Variants in WDR64 observed in about 807,000 individuals in gnomAD.
The protein encoded by WDR64 is WD repeat domain 64.
A neutral mutation model predicts 139.3 loss-of-function variants in WDR64; 112 were observed. The ratio of observed to expected loss-of-function variants is 0.80; its 90% CI spans 0.69 to 0.94. WDR64 has a LOEUF of 0.94. Among genes scored for constraint, WDR64 ranks in the 40% least tolerant of loss-of-function variants. The pLI is 0.00. For synonymous variants in WDR64, 444 were observed against 437.7 expected (o/e 1.01, Z -0.18); for missense variants, 1,206 against 1,293.1 (o/e 0.93, Z 1.03).
At chr1:241,692,103 A>G (rs1328707746) in intron 8 of WDR64, among the ~76,000 whole-genome samples, 1 of 152,204 alleles carries the variant, frequency 6.6e-6, no homozygotes, top group African/African-American at 2.4e-5. Context: ...AAGTCTAACA[A>G]AATATGCAAG....
chr1:241,662,629 G>C (rs1665872157), intron 2 of WDR64, among the ~76,000 whole-genome samples: 2 of 152,162 alleles, frequency 1.3e-5, no homozygotes, highest in Admixed American at 6.6e-5. Context: ...CTCTTAGTTA[G>C]AAGTAAGTCA....
chr1:241,672,383 C>T (rs192086363), intron 3 of WDR64, among the ~76,000 whole-genome samples: 32 of 152,206 alleles, frequency 2.1e-4, no homozygotes, highest in African/African-American at 7.5e-4. Flanking sequence ...AAGGAGGGGC[C>T]CCAGAGCAGG....
intron 5 of WDR64, among the ~76,000 whole-genome samples, chr1:241,678,862 A>G (rs1666664651): frequency 2.1e-5 from 1 of 46,744 alleles, no homozygotes; most frequent in African/African-American, 6.9e-5. Flanking sequence ...CTTAAACTGA[A>G]AAAAAAAAAA....
At chr1:241,684,137 T>C (rs1666921503) in intron 7 of WDR64, among the ~76,000 whole-genome samples, 1 of 152,210 alleles carries the variant, frequency 6.6e-6, no homozygotes, top group African/African-American at 2.4e-5. Flanking sequence ...GATTTGACTA[T>C]ATACAAAATA....
chr1:241,775,100 T>C lies in WDR64; in HGVS notation c.2431-5T>C, dbSNP rs1194977799. The C allele has an allele frequency of 1.3e-6, 2 of 1,548,736 alleles. No homozygotes were observed. The highest frequency in any genetic ancestry group is 1.7e-6 in the Non-Finnish European group (2 of 1,145,540). On this transcript the variant is annotated splice_polypyrimidine_tract_variant and splice_region_variant and intron_variant, in intron 20 of 27. Coordinates refer to ENST00000437684, the MANE Select transcript of WDR64 (RefSeq NM_001367482.1). ...AAAGTTTTATTTGCATTATACTTTATTTAGGGAAGACTACTGAAAGATATG... is the reference window on the plus strand; with the variant it reads ...AAAGTTTTATTTGCATTATACTTTACTTAGGGAAGACTACTGAAAGATATG...
intron 22 of WDR64, among the ~76,000 whole-genome samples, chr1:241,780,389 T>C (rs918919508): frequency 6.6e-6 from 1 of 152,250 alleles, no homozygotes; most frequent in Non-Finnish European, 1.5e-5. Flanking sequence ...AGTTTCTATA[T>C]CTTATCCTTT....
chr1:241,744,378 C>A lies in WDR64; in HGVS notation c.1471-15C>A. 6.2e-7 allele frequency: 1 copy of A among 1,612,588 alleles called. No individual in the cohort carries two copies. Among genetic ancestry groups the A allele is most frequent in the South Asian group, 1.1e-5 (1 of 90,714 alleles). On this transcript the variant is annotated splice_polypyrimidine_tract_variant and intron_variant, in intron 12 of 27. Transcript: ENST00000437684. ...CTTCAAACGGATTACTTGATATTTT[C>A]GTTCTTTCCCATAGGTATGGGAACT... is the stretch of plus-strand genomic sequence containing the variant.
chr1:241,787,496 C>T (rs534231923), intron 23 of WDR64, among the ~76,000 whole-genome samples: 1 of 151,836 alleles, frequency 6.6e-6, no homozygotes, highest in South Asian at 2.1e-4. Flanking sequence ...GAAACCCCGT[C>T]TCTACTAAAA....
rs781010948 is a variant in WDR64, at chr1:241,711,860, G to T, written c.1033G>T (p.Ala345Ser). Reference protein sequence around the residue: ...GANTFCYCVKANVIVTGGDDK... With the variant: ...GANTFCYCVKSNVIVTGGDDK... ...CAACACTTTTTGCTACTGTGTTAAG[G>T]CAAATGTGATTGTCACTGGAGGTGA... The change falls in exon 9 of 28, where the codon GCA becomes TCA. Residue 345 changes from alanine (A) to serine (S), a missense_variant. Ala to Ser is a moderately conservative substitution (Grantham distance 99). Transcript: ENST00000437684. 6.2e-7 allele frequency: 1 copy of T among 1,614,136 alleles called. No homozygotes were observed. The highest frequency in any genetic ancestry group is 1.7e-5 in the Admixed American group (1 of 60,024).
Position 241,801,173 on chromosome 1 carries a change from A to G in WDR64, c.3234A>G (p.Gln1078=), listed in dbSNP as rs771545741. 1 of 1,613,948 alleles carries G rather than the reference A, an allele frequency of 6.2e-7. No individual in the cohort carries two copies. The highest frequency in any genetic ancestry group is 1.1e-5 in the South Asian group (1 of 91,058). Residue 1078 remains glutamine, a synonymous_variant, in exon 28 of 28, where the codon CAA becomes CAG. Transcript: ENST00000437684. Reference sequence around the variant, plus strand: ...GTTTGAAAAAAAATTTAGTCCCACAAATAAATCTGGCTTCTTCCTTCTTCC... The same window carrying G: ...GTTTGAAAAAAAATTTAGTCCCACAGATAAATCTGGCTTCTTCCTTCTTCC... ...RRSLKKNLVP[Q]INLASSFFPA... is the part of the protein sequence containing the mutation.
intron 10 of WDR64, among the ~76,000 whole-genome samples, chr1:241,727,809 C>A (rs1047986105): frequency 2.0e-5 from 3 of 146,746 alleles, no homozygotes; most frequent in Non-Finnish European, 4.5e-5. Flanking sequence ...GGAGGTTGAG[C>A]CAGGAGGATT....
At position 241,738,409 on chromosome 1, in the gene WDR64, TC is replaced by T; in HGVS notation, c.1243del (p.His415MetfsTer15). On this transcript the variant is annotated frameshift_variant, in exon 11 of 28. Coordinates refer to ENST00000437684, the MANE Select transcript of WDR64 (RefSeq NM_001367482.1). LOFTEE classifies it high-confidence loss of function. ...CAAACTCTTTCACTATTACAAGTCT[TC>T]CATGACAGCCAGGGAGGACCAGGAG... ...DIQTLSLLQVFHDSQGGPGDM... is the reference protein window; with the variant it reads ...DIQTLSLLQVXHDSQGGPGDM... 6.2e-7 allele frequency: 1 copy of T among 1,613,938 alleles called. No homozygotes were observed. The highest frequency in any genetic ancestry group is 8.5e-7 in the Non-Finnish European group (1 of 1,179,882).
chr1:241,696,602 T>G (rs375358608), intron 8 of WDR64, among the ~76,000 whole-genome samples: 43 of 152,234 alleles, frequency 2.8e-4, no homozygotes, highest in African/African-American at 9.9e-4. Context: ...GGTTTCTCCC[T>G]TTTTTAGACC....
chr1:241,720,925 T>G (rs1371062725), intron 9 of WDR64, among the ~76,000 whole-genome samples: 1 of 152,212 alleles, frequency 6.6e-6, no homozygotes, highest in Non-Finnish European at 1.5e-5. Context: ...TTTATGGTTT[T>G]GGGGTTTACA....
chr1:241,766,105 T>C lies in WDR64; in HGVS notation c.1948-113T>C, dbSNP rs554773263. ...TTCATGCTCTGATATTAAAAATATA[T>C]ATAATAAGGCATTTTGTTTTAAGTT... On this transcript the variant is annotated intron_variant, in intron 15 of 27. Transcript: ENST00000437684. The C allele has an allele frequency of 9.9e-5, 96 of 969,232 alleles. 1 individual carries two copies. In the South Asian group the frequency reaches 2.9e-3, roughly 29 times the overall value. The allele number at this position is 969,232 out of a possible 1,614,324, so 60.0% of individuals were successfully genotyped here. A position where few individuals can be genotyped will look rare whatever the true frequency, so the allele number is the denominator to read the frequency against.
At chr1:241,795,653 C>T (rs1659342197) in intron 26 of WDR64, among the ~76,000 whole-genome samples, 1 of 152,142 alleles carries the variant, frequency 6.6e-6, no homozygotes, top group African/African-American at 2.4e-5. Context: ...ACTTTCCGTG[C>T]CCTAAGCATC....
rs1237771842 is a variant in WDR64 at position 241,735,533 on chromosome 1, C to CCCTTTTTTTTTTTTTTTTTTTTTTTT, written c.1195-2830_1195-2829insCCTTTTTTTTTTTTTTTTTTTTTTTT. On this transcript the variant is annotated intron_variant, in intron 10 of 27. Coordinates refer to ENST00000437684, the MANE Select transcript of WDR64 (RefSeq NM_001367482.1). ...GTTCTCTGTCTCTCTCTCTCTCTCT[C>CCCTTTTTTTTTTTTTTTTTTTTTTTT]TTTTTTTTTTTTTTTTTTTGATACG... 2.9e-4 allele frequency among the ~76,000 whole-genome samples: 30 copies of CCCTTTTTTTTTTTTTTTTTTTTTTTT among 103,482 alleles called. 1 individual carries two copies. The highest frequency in any genetic ancestry group is 4.6e-4 in the Admixed American group (4 of 8,726). 67.9% of individuals were successfully genotyped at this position (103,482 alleles called of 152,430 possible).
At chr1:241,675,939 A>G (rs934191070) in intron 4 of WDR64, 1 of 152,244 alleles carries the variant, frequency 6.6e-6, no homozygotes, top group Admixed American at 6.5e-5. Context: ...ATATTTTGCT[A>G]TGAAAATAAA....
intron 8 of WDR64, among the ~76,000 whole-genome samples, chr1:241,695,619 C>T (rs186721893): frequency 2.6e-5 from 4 of 152,156 alleles, no homozygotes; most frequent in Admixed American, 2.0e-4. Context: ...AAGATAAGAA[C>T]AAGAAATCTT....
Sources: allele counts gnomAD v4.1 joint callset (sites outside exome capture counted in the v4.1 genomes callset), GRCh38; gene constraint gnomAD v4.1.1; transcripts MANE v1.5; gene names NCBI Gene and HGNC (gene_info 2026-07-23, HGNC 2026-07-21).